APOO: variants seen among roughly 807,000 people sequenced by gnomAD.
The protein encoded by APOO is apolipoprotein O.
APOO carries 11 observed loss-of-function variants against 23.1 expected under a neutral mutation model. The ratio of observed to expected loss-of-function variants is 0.48; its 90% CI spans 0.30 to 0.79. The LOEUF (loss-of-function observed/expected upper bound fraction) is 0.79. Among genes scored for constraint, APOO ranks in the 30% least tolerant of loss-of-function variants. The pLI is 0.07. For missense variants in APOO, 160 were observed against 142.7 expected, an observed-to-expected ratio of 1.12 and a Z score of -0.62; for synonymous variants, 59 against 54.8, an observed-to-expected ratio of 1.08 and a Z score of -0.34.
intron 7 of APOO, among the ~76,000 whole-genome samples, chrX:23,845,305 C>A (rs906916350): frequency 8.9e-6 from 1 of 112,108 alleles, no homozygotes; most frequent in Non-Finnish European, 1.9e-5. Context: ...AGCACAAACT[C>A]ATAACTTTAT....
intron 7 of APOO, among the ~76,000 whole-genome samples, chrX:23,844,451 G>A (rs1165704632): frequency 9.0e-6 from 1 of 110,986 alleles, no homozygotes; most frequent in Non-Finnish European, 1.9e-5. Flanking sequence ...ATCTGGGTGG[G>A]CTTGATTCAA....
intron 4 of APOO, among the ~76,000 whole-genome samples, chrX:23,872,830 C>T (rs892857604): frequency 1.8e-5 from 2 of 108,338 alleles, no homozygotes; most frequent in African/African-American, 6.7e-5. Context: ...GTGGGTGGAT[C>T]GCCTGAGGTC....
intron 3 of APOO, among the ~76,000 whole-genome samples, chrX:23,874,889 C>T (rs775777517): frequency 2.7e-5 from 3 of 111,925 alleles, no homozygotes; most frequent in South Asian, 7.4e-4. Flanking sequence ...CAAGAATGAC[C>T]AGCTTTAATG....
chrX:23,869,674 A>G (rs1264172105), intron 4 of APOO, among the ~76,000 whole-genome samples: 1 of 103,324 alleles, frequency 9.7e-6, no homozygotes. Flanking sequence ...AAGGAAGGCC[A>G]GGTGCGGTGG....
chrX:23,838,677 C>T (rs1280560562), intron 8 of APOO, among the ~76,000 whole-genome samples: 2 of 110,567 alleles, frequency 1.8e-5, no homozygotes. Flanking sequence ...CTTGGCCTCC[C>T]AAAGTGCTGG....
intron 7 of APOO, among the ~76,000 whole-genome samples, chrX:23,841,000 T>A (rs2146965315): frequency 8.9e-6 from 1 of 112,099 alleles, no homozygotes; most frequent in South Asian, 3.7e-4. Context: ...CGTGCTAAAC[T>A]TTTAAGGCCT....
Position 23,833,620 on chromosome X carries a change from A to G in APOO, c.*30-8T>C, listed in dbSNP as rs768596706. ...TCCAATGTTTACCTATAACTAAAAG[A>G]AAGAAAAGAAAAACATAAGTAACTG... On this transcript the variant is annotated splice_polypyrimidine_tract_variant and splice_region_variant and intron_variant, in intron 8 of 8. Transcript: ENST00000379226. 9.3e-4 allele frequency: 105 copies of G among 112,803 alleles called. No homozygotes were observed. The highest frequency in any genetic ancestry group is 3.2e-3 in the African/African-American group (100 of 31,080). The allele number at this position is 112,803 out of a possible 1,213,427, so 9.3% of individuals were successfully genotyped here. A position where few individuals can be genotyped will look rare whatever the true frequency, so the allele number is the denominator to read the frequency against.
intron 7 of APOO, among the ~76,000 whole-genome samples, chrX:23,847,552 G>A (rs904178442): frequency 9.1e-6 from 1 of 110,308 alleles, no homozygotes; most frequent in Admixed American, 9.7e-5. Flanking sequence ...TGTGAACCCG[G>A]GAGGCAGAGC....
rs1304615829 is a variant in APOO, at chrX:23,907,818, G to C, written c.-116C>G. Reference sequence around the variant, plus strand: ...ATTTCTCCAACCGCAAGCAGGCAGCGGTGCGGGTGACGGCCGTACTGCAAA... The same window carrying C: ...ATTTCTCCAACCGCAAGCAGGCAGCCGTGCGGGTGACGGCCGTACTGCAAA... On this transcript the variant is annotated 5_prime_UTR_variant, in exon 1 of 9. Coordinates refer to ENST00000379226, the MANE Select transcript of APOO (RefSeq NM_024122.5). 2 of 895,988 alleles carry C rather than the reference G, an allele frequency of 2.2e-6. No individual in the cohort carries two copies. The highest frequency in any genetic ancestry group is 2.0e-5 in the African/African-American group (1 of 49,467). 73.8% of individuals were successfully genotyped at this position (895,988 alleles called of 1,213,427 possible).
At chrX:23,895,911 T>G (rs1926882856) in intron 1 of APOO, among the ~76,000 whole-genome samples, 1 of 109,315 alleles carries the variant, frequency 9.1e-6, no homozygotes, top group Admixed American at 9.9e-5. Context: ...TGTAGTATGA[T>G]TCCACCGAGT....
At chrX:23,842,930 C>T (rs1306002877) in intron 7 of APOO, among the ~76,000 whole-genome samples, 1 of 111,977 alleles carries the variant, frequency 8.9e-6, no homozygotes, top group Non-Finnish European at 1.9e-5. Flanking sequence ...ATCGCTTGAA[C>T]CCAGGAGGCG....
At chrX:23,892,730 T>C (rs1308012927) in intron 1 of APOO, among the ~76,000 whole-genome samples, 2 of 101,385 alleles carry the variant, frequency 2.0e-5, no homozygotes, top group Non-Finnish European at 4.0e-5. Context: ...ATCGCGCCAC[T>C]GCACTCCAAC....
chrX:23,833,585 C>A lies in APOO; in HGVS notation c.*57G>T, dbSNP rs971895148. On this transcript the variant is annotated 3_prime_UTR_variant, in exon 9 of 9. Transcript: ENST00000379226. Reference sequence around the variant, plus strand: ...TTTTCTGTAGAAATACTGATTTATTCTATGGAGTTTCCAATGTTTACCTAT... The same window carrying A: ...TTTTCTGTAGAAATACTGATTTATTATATGGAGTTTCCAATGTTTACCTAT... The A allele has an allele frequency of 1.8e-5, 2 of 112,174 alleles. No individual in the cohort carries two copies. Among genetic ancestry groups the A allele is most frequent in the Non-Finnish European group, 3.8e-5 (2 of 53,209 alleles). 9.2% of individuals were successfully genotyped at this position (112,174 alleles called of 1,213,427 possible).
At chrX:23,889,935 A>G (rs2147035843) in intron 1 of APOO, among the ~76,000 whole-genome samples, 1 of 110,581 alleles carries the variant, frequency 9.0e-6, no homozygotes, top group South Asian at 3.8e-4. Context: ...TGCTGGGATT[A>G]CAGGCGTCAG....
intron 7 of APOO, among the ~76,000 whole-genome samples, chrX:23,855,859 G>A (rs1924759317): frequency 8.9e-6 from 1 of 111,857 alleles, no homozygotes; most frequent in South Asian, 3.7e-4. Flanking sequence ...TGAGAAGCCT[G>A]GGGGATAAAC....
At chrX:23,891,503 AG>A (rs1926651325) in intron 1 of APOO, among the ~76,000 whole-genome samples, 1 of 111,907 alleles carries the variant, frequency 8.9e-6, no homozygotes, top group African/African-American at 3.2e-5. Flanking sequence ...CTGGGATTAT[AG>A]GCGTGAGCCA....
At chrX:23,849,760 C>T (rs1393750700) in intron 7 of APOO, among the ~76,000 whole-genome samples, 2 of 107,675 alleles carry the variant, frequency 1.9e-5, no homozygotes, top group South Asian at 4.1e-4. Context: ...GGGGCGGTGG[C>T]GTGCGCCTGC....
intron 1 of APOO, chrX:23,883,886 G>C (rs1050621299): frequency 8.9e-6 from 1 of 112,248 alleles, no homozygotes; most frequent in Non-Finnish European, 1.9e-5. Context: ...CACATGCCCT[G>C]TAAGAGGGAC....
At chrX:23,850,387 C>T (rs1221538429) in intron 7 of APOO, among the ~76,000 whole-genome samples, 3 of 112,090 alleles carry the variant, frequency 2.7e-5, no homozygotes, top group Non-Finnish European at 5.6e-5. Context: ...TACTTGGCAT[C>T]ATCTAGTAAA....
Sources: gnomAD v4.1 joint callset for allele counts (sites outside exome capture counted in the v4.1 genomes callset) on GRCh38, gnomAD v4.1.1 for gene constraint, MANE v1.5 for transcripts, NCBI Gene and HGNC (gene_info 2026-07-23, HGNC 2026-07-21) for gene names.